HBS1L: variants seen among roughly 807,000 people sequenced by gnomAD.
HBS1L encodes the protein HBS1-like protein.
A neutral mutation model predicts 88.9 loss-of-function variants in HBS1L; 55 were observed. That is an observed-to-expected ratio of 0.62 (90% confidence interval 0.50 to 0.77). The LOEUF (loss-of-function observed/expected upper bound fraction) is 0.77. Ranked by LOEUF, HBS1L falls within the 30% of genes least tolerant of loss-of-function variation. The probability of loss-of-function intolerance (pLI) is 0.00; values close to 1 mark genes in which losing one functional copy is unlikely to be tolerated. For synonymous variants in HBS1L, 267 were observed against 288.5 expected, an observed-to-expected ratio of 0.93 and a Z score of 0.76; for missense variants, 741 against 829.3, an observed-to-expected ratio of 0.89 and a Z score of 1.31.
Position 135,033,173 on chromosome 6 carries a change from C to T in HBS1L, c.430+6400G>A, listed in dbSNP as rs116928694. Among the ~76,000 whole-genome samples, 103 of 152,214 alleles carry T rather than the reference C, an allele frequency of 6.8e-4. 1 individual carries two copies. In the East Asian group the frequency reaches 0.019, roughly 28 times the overall value. ...TATAATTACAATATTATTTCTATTT[C>T]TAAAGTAAATTATTAATGCCCTTGA... On this transcript the variant is annotated intron_variant, in intron 4 of 17. Coordinates refer to ENST00000367837, the MANE Select transcript of HBS1L (RefSeq NM_006620.4).
chr6:134,964,822 G>GAAAAAA lies in HBS1L; in HGVS notation c.*451_*456dup, dbSNP rs57393645. 1,664 of 83,064 alleles carry GAAAAAA rather than the reference G, an allele frequency of 0.02. 34 individuals carry two copies. The highest frequency in any genetic ancestry group is 0.075 in the South Asian group (172 of 2,294). 5.1% of individuals were successfully genotyped at this position (83,064 alleles called of 1,614,324 possible). On this transcript the variant is annotated 3_prime_UTR_variant, in exon 18 of 18. Coordinates refer to ENST00000367837, the MANE Select transcript of HBS1L (RefSeq NM_006620.4). ...CCAAATCTTTTCTTAGCATTAACTGGAAAAAAAAAAAAAAAAAAAGCTTAG... is the reference window on the plus strand; with the variant it reads ...CCAAATCTTTTCTTAGCATTAACTGGAAAAAAAAAAAAAAAAAAAAAAAAAGCTTAG...
In HBS1L at chr6:135,025,285, G is replaced by A. The variant is rs1221255401; in HGVS notation, c.430+14288C>T. On this transcript the variant is annotated intron_variant, in intron 4 of 17. Coordinates refer to ENST00000367837, the MANE Select transcript of HBS1L (RefSeq NM_006620.4). Reference sequence around the variant, plus strand: ...AACAGAAATGTGGATCAAACTGAGAGCACATGAGAAACATAGGACTCCAGA... The same window carrying A: ...AACAGAAATGTGGATCAAACTGAGAACACATGAGAAACATAGGACTCCAGA... Among the ~76,000 whole-genome samples, 7 of 152,292 alleles carry A rather than the reference G, an allele frequency of 4.6e-5. No individual in the cohort carries two copies. In the East Asian group the frequency reaches 1.3e-3, roughly 29 times the overall value.
At chr6:134,972,953 CAAGA>C (rs1422576756) in intron 15 of HBS1L, among the ~76,000 whole-genome samples, 1 of 152,124 alleles carries the variant, frequency 6.6e-6, no homozygotes, top group Non-Finnish European at 1.5e-5. Context: ...AATGTGTTGA[CAAGA>C]AAGTAGAGAA....
chr6:134,981,908 T>C (rs1774842562), intron 13 of HBS1L, among the ~76,000 whole-genome samples: 1 of 152,012 alleles, frequency 6.6e-6, no homozygotes, highest in Admixed American at 6.6e-5. Context: ...GCAGAAACAG[T>C]GACTGGCAAT....
chr6:135,050,484 T>C, intron 2 of HBS1L, 98 bp downstream of exon 2: 1 of 691,138 alleles, frequency 1.4e-6, no homozygotes, highest in Admixed American at 3.1e-5. Context: ...TTAAATGTTA[T>C]ATATTACAGT....
At chr6:135,034,521 G>A (rs866327770) in intron 4 of HBS1L, among the ~76,000 whole-genome samples, 1 of 152,160 alleles carries the variant, frequency 6.6e-6, no homozygotes, top group African/African-American at 2.4e-5. Flanking sequence ...ACACGCACCT[G>A]TAATCCCAGC....
intron 15 of HBS1L, among the ~76,000 whole-genome samples, chr6:134,977,875 A>C (rs1774696226): frequency 6.6e-6 from 1 of 152,074 alleles, no homozygotes; most frequent in South Asian, 2.1e-4. Flanking sequence ...AAAAACTATA[A>C]GAGTACGGTC....
intron 3 of HBS1L, among the ~76,000 whole-genome samples, chr6:135,041,599 G>T (rs964029788): frequency 2.6e-5 from 4 of 151,654 alleles, no homozygotes; most frequent in Non-Finnish European, 5.9e-5. Context: ...ACTTCAACTG[G>T]TTTTTTTTGA....
chr6:135,041,973 A>G (rs185328194), intron 3 of HBS1L, 28 bp downstream of exon 3: 1 of 1,605,790 alleles, frequency 6.2e-7, no homozygotes, highest in Non-Finnish European at 8.5e-7. Flanking sequence ...TCACTTTCAG[A>G]TAACAGATAC....
chr6:135,033,050 G>A (rs1438564483), intron 4 of HBS1L, among the ~76,000 whole-genome samples: 1 of 151,794 alleles, frequency 6.6e-6, no homozygotes, highest in Non-Finnish European at 1.5e-5. Context: ...GAATGCAAAA[G>A]GACAAAACAT....
chr6:135,033,315 G>A (rs1212893520), intron 4 of HBS1L, among the ~76,000 whole-genome samples: 1 of 152,176 alleles, frequency 6.6e-6, no homozygotes, highest in African/African-American at 2.4e-5. Context: ...ATAAACAGCA[G>A]CTGGTACAGA....
intron 2 of HBS1L, 152 bp from the exon 3 acceptor site, chr6:135,042,278 A>G: frequency 1.7e-6 from 1 of 589,058 alleles, no homozygotes; most frequent in Non-Finnish European, 2.8e-6. Context: ...ATATCATATC[A>G]AAACATATAC....
intron 4 of HBS1L, chr6:135,037,693 G>A: frequency 1.9e-6 from 3 of 1,550,900 alleles, no homozygotes; most frequent in Non-Finnish European, 2.6e-6. Flanking sequence ...TAGGTTCTTT[G>A]AAAGCAGACT....
At chr6:135,034,543 C>T (rs1402905360) in intron 4 of HBS1L, among the ~76,000 whole-genome samples, 1 of 152,176 alleles carries the variant, frequency 6.6e-6, no homozygotes, top group East Asian at 1.9e-4. Flanking sequence ...ACTCGGGGGG[C>T]TGACACAGGA....
chr6:134,993,325 A>G (rs1470723106), intron 8 of HBS1L, among the ~76,000 whole-genome samples: 1 of 152,174 alleles, frequency 6.6e-6, no homozygotes, highest in Admixed American at 6.5e-5. Flanking sequence ...TAATATTATA[A>G]AGAAAGTAAA....
chr6:135,042,618 G>A (rs923361846), intron 2 of HBS1L, among the ~76,000 whole-genome samples: 9 of 152,078 alleles, frequency 5.9e-5, no homozygotes, highest in African/African-American at 2.2e-4. Flanking sequence ...AGACCAGCCT[G>A]GCAAATACAG....
intron 4 of HBS1L, among the ~76,000 whole-genome samples, chr6:135,014,277 C>T (rs1008514946): frequency 1.1e-4 from 17 of 152,170 alleles, no homozygotes; most frequent in African/African-American, 3.9e-4. Flanking sequence ...AGGAACTCTG[C>T]TTCCTCCTCC....
chr6:134,982,587 G>C, intron 12 of HBS1L, 25 bp from the exon 13 acceptor site: 3 of 1,317,384 alleles, frequency 2.3e-6, no homozygotes, highest in Non-Finnish European at 3.3e-6. Context: ...AAAATCTTAT[G>C]GTTCATACAG....
intron 4 of HBS1L, among the ~76,000 whole-genome samples, chr6:135,028,167 C>G (rs989788815): frequency 6.6e-6 from 1 of 151,502 alleles, no homozygotes; most frequent in African/African-American, 2.4e-5. Context: ...TACATTAAGT[C>G]ATACCCAAAC....
Sources: allele counts gnomAD v4.1 joint callset (sites outside exome capture counted in the v4.1 genomes callset), GRCh38; gene constraint gnomAD v4.1.1; transcripts MANE v1.5; gene names NCBI Gene and HGNC (gene_info 2026-07-23, HGNC 2026-07-21).